SLC24A3: variants seen among roughly 807,000 people sequenced by gnomAD.
SLC24A3 encodes solute carrier family 24 member 3.
SLC24A3 carries 28 observed loss-of-function variants against 75.8 expected under a neutral mutation model. The observed-to-expected ratio is 0.37, with a 90% CI of 0.27 to 0.51. The LOEUF is 0.51. SLC24A3 is among the 20% of genes least tolerant of loss of function. SLC24A3 has a pLI of 0.94. For missense variants in SLC24A3, 663 were observed against 847.8 expected (o/e 0.78, Z 2.71); for synonymous variants, 372 against 334.1 (o/e 1.11, Z -1.24).
rs376554764 is a variant in SLC24A3, at chr20:19,642,560, T to A, written c.613-11502T>A. On this transcript the variant is annotated intron_variant, in intron 6 of 16. Coordinates refer to ENST00000328041, the MANE Select transcript of SLC24A3 (RefSeq NM_020689.4). Reference sequence around the variant, plus strand: ...GTGAGGCTGCACATGGAACCCATTCTCCCTTGTCTCAGCCTTCTCTGCACA... The same window carrying A: ...GTGAGGCTGCACATGGAACCCATTCACCCTTGTCTCAGCCTTCTCTGCACA... Among the ~76,000 whole-genome samples, 16 of 152,292 alleles carry A rather than the reference T, an allele frequency of 1.1e-4. No homozygotes were observed. The East Asian group carries it at 1.9e-3, about 18-fold the overall frequency.
chr20:19,430,227 A>C (rs1212639793), intron 2 of SLC24A3, among the ~76,000 whole-genome samples: 2 of 152,284 alleles, frequency 1.3e-5, no homozygotes, highest in East Asian at 3.9e-4. Context: ...CTGATCTTAC[A>C]GACATGGCCA....
chr20:19,427,607 G>C (rs1303701222), intron 2 of SLC24A3, among the ~76,000 whole-genome samples: 1 of 152,244 alleles, frequency 6.6e-6, no homozygotes, highest in African/African-American at 2.4e-5. Context: ...TGTGAAACAA[G>C]CTGCTATCGG....
At chr20:19,247,210 A>T (rs1451339390) in intron 1 of SLC24A3, among the ~76,000 whole-genome samples, 1 of 152,184 alleles carries the variant, frequency 6.6e-6, no homozygotes, top group Non-Finnish European at 1.5e-5. Flanking sequence ...TGACTCCAGT[A>T]GGCTCTCTGA....
At chr20:19,326,226 G>A (rs1231958988) in intron 2 of SLC24A3, among the ~76,000 whole-genome samples, 1 of 152,054 alleles carries the variant, frequency 6.6e-6, no homozygotes, top group East Asian at 1.9e-4. Context: ...ACCGAGATGT[G>A]GGCAGGACAA....
intron 2 of SLC24A3, among the ~76,000 whole-genome samples, chr20:19,506,219 T>C (rs1301168103): frequency 1.3e-5 from 2 of 152,214 alleles, no homozygotes; most frequent in Admixed American, 1.3e-4. Context: ...TGTCACCACA[T>C]AAGCATTTGG....
intron 16 of SLC24A3, among the ~76,000 whole-genome samples, chr20:19,718,402 G>A (rs1009255167): frequency 6.6e-6 from 1 of 152,138 alleles, no homozygotes; most frequent in Non-Finnish European, 1.5e-5. Flanking sequence ...CTATGACTTG[G>A]AGTGGTGATA....
At chr20:19,431,155 G>A (rs1198992087) in intron 2 of SLC24A3, among the ~76,000 whole-genome samples, 1 of 152,104 alleles carries the variant, frequency 6.6e-6, no homozygotes, top group Admixed American at 6.5e-5. Context: ...GAGGACTCTG[G>A]TTCTGCCCTC....
chr20:19,412,011 A>G lies in SLC24A3; in HGVS notation c.272-103477A>G, dbSNP rs1293844834. Among the ~76,000 whole-genome samples, 3 of 152,192 alleles carry G rather than the reference A, an allele frequency of 2.0e-5. No homozygotes were observed. The East Asian group carries it at 5.8e-4, about 29-fold the overall frequency. ...TCACTGTATTTTTAACTGTGAGTAC[A>G]CGGGGTCAGGGTCACGGCCTCTTCT... On this transcript the variant is annotated intron_variant, in intron 2 of 16. Coordinates refer to ENST00000328041, the MANE Select transcript of SLC24A3 (RefSeq NM_020689.4).
chr20:19,610,340 C>G (rs1008102562), intron 6 of SLC24A3, among the ~76,000 whole-genome samples: 1 of 152,054 alleles, frequency 6.6e-6, no homozygotes, highest in Non-Finnish European at 1.5e-5. Flanking sequence ...AAAATAAACC[C>G]GAGAGATGAG....
chr20:19,464,158 G>A (rs1015726426), intron 2 of SLC24A3, among the ~76,000 whole-genome samples: 2 of 152,168 alleles, frequency 1.3e-5, no homozygotes, highest in African/African-American at 4.8e-5. Context: ...CAGCCTTCTC[G>A]CCAACACTGG....
At chr20:19,522,729 C>T (rs887090644) in intron 3 of SLC24A3, among the ~76,000 whole-genome samples, 1 of 152,064 alleles carries the variant, frequency 6.6e-6, no homozygotes, top group African/African-American at 2.4e-5. Context: ...CAGGAGGCCT[C>T]TCTGCAACTG....
At chr20:19,421,720 G>A (rs1236090901) in intron 2 of SLC24A3, among the ~76,000 whole-genome samples, 1 of 152,214 alleles carries the variant, frequency 6.6e-6, no homozygotes, top group African/African-American at 2.4e-5. Context: ...AAAAAAGTGG[G>A]GGGACAGAGA....
intron 3 of SLC24A3, among the ~76,000 whole-genome samples, chr20:19,570,318 C>T (rs1045895606): frequency 6.6e-6 from 1 of 152,136 alleles, no homozygotes; most frequent in Non-Finnish European, 1.5e-5. Context: ...CCAGGCCCCT[C>T]CTCCAACACT....
chr20:19,652,072 T>G (rs1050083068), intron 6 of SLC24A3, among the ~76,000 whole-genome samples: 12 of 152,226 alleles, frequency 7.9e-5, no homozygotes, highest in African/African-American at 2.2e-4. Flanking sequence ...AACAGTCTTT[T>G]GATTGTTCTG....
At chr20:19,592,858 C>T (rs903799357) in intron 6 of SLC24A3, among the ~76,000 whole-genome samples, 2 of 144,392 alleles carry the variant, frequency 1.4e-5, no homozygotes, top group Middle Eastern at 3.9e-3. Context: ...TGCAGTGGCA[C>T]GATCTTGGCT....
At chr20:19,543,366 G>T (rs752991851) in intron 3 of SLC24A3, among the ~76,000 whole-genome samples, 2 of 152,220 alleles carry the variant, frequency 1.3e-5, no homozygotes, top group African/African-American at 4.8e-5. Flanking sequence ...TTGAAACGGC[G>T]TGTCACAGAC....
intron 3 of SLC24A3, among the ~76,000 whole-genome samples, chr20:19,529,648 A>G (rs2030260629): frequency 6.6e-6 from 1 of 152,198 alleles, no homozygotes; most frequent in African/African-American, 2.4e-5. Context: ...TCCCAAGTTC[A>G]TCCCCTCCTC....
At chr20:19,517,304 T>C (rs1002157078) in intron 3 of SLC24A3, among the ~76,000 whole-genome samples, 10 of 152,192 alleles carry the variant, frequency 6.6e-5, no homozygotes, top group Non-Finnish European at 1.2e-4. Flanking sequence ...ACCCAAACAC[T>C]GCGTGCTTTC....
intron 3 of SLC24A3, among the ~76,000 whole-genome samples, chr20:19,528,558 G>A (rs1008738089): frequency 6.6e-6 from 1 of 152,106 alleles, no homozygotes; most frequent in Non-Finnish European, 1.5e-5. Context: ...CTTTGGTTTG[G>A]ATGCTTTTTA....
Sources: allele counts gnomAD v4.1 joint callset (sites outside exome capture counted in the v4.1 genomes callset), GRCh38; gene constraint gnomAD v4.1.1; transcripts MANE v1.5; gene names NCBI Gene and HGNC (gene_info 2026-07-23, HGNC 2026-07-21).